Variants in ZNF407 observed in about 807,000 individuals in gnomAD.
The protein encoded by ZNF407 is zinc finger protein 407.
Under a neutral mutation model 131.2 loss-of-function variants are expected in ZNF407, and 17 were observed. The ratio of observed to expected loss-of-function variants is 0.13; its 90% confidence interval spans 0.09 to 0.19. ZNF407 has a LOEUF of 0.19. ZNF407 is among the 10% of genes least tolerant of loss of function. The probability of loss-of-function intolerance (pLI) is 1.00; values close to 1 mark genes in which losing one functional copy is unlikely to be tolerated. For synonymous variants in ZNF407, 1,156 were observed against 1,062.0 expected (o/e 1.09, Z -1.72); for missense variants, 2,681 against 2,830.6 (o/e 0.95, Z 1.20).
chr18:74,889,668 G>A (rs1407563285), intron 6 of ZNF407, among the ~76,000 whole-genome samples: 2 of 151,978 alleles, frequency 1.3e-5, no homozygotes, highest in Non-Finnish European at 2.9e-5. Flanking sequence ...TCCTGTTTAT[G>A]TAAAATAAAC....
chr18:74,790,627 A>T lies in ZNF407; in HGVS notation c.4877+9125A>T, dbSNP rs17055590. Among the ~76,000 whole-genome samples, 502 of 152,306 alleles carry T rather than the reference A, an allele frequency of 3.3e-3. 2 individuals carry two copies. Among genetic ancestry groups the T allele is most frequent in the African/African-American group, 0.011 (462 of 41,570 alleles). ...TGACTAAAATATGCCTTAAGCTCTT[A>T]TCTTTAACTCCCAGTCATTGCCAGA... On this transcript the variant is annotated intron_variant, in intron 4 of 8. Coordinates refer to ENST00000299687, the MANE Select transcript of ZNF407 (RefSeq NM_017757.3).
At chr18:74,714,011 A>T (rs1967832713) in intron 3 of ZNF407, among the ~76,000 whole-genome samples, 1 of 152,218 alleles carries the variant, frequency 6.6e-6, no homozygotes, top group Non-Finnish European at 1.5e-5. Flanking sequence ...TTATGCCTAA[A>T]TGTATTAAGC....
At chr18:74,639,496 G>A (rs1984611701) in intron 2 of ZNF407, among the ~76,000 whole-genome samples, 1 of 152,106 alleles carries the variant, frequency 6.6e-6, no homozygotes, top group African/African-American at 2.4e-5. Context: ...GATAGGCTTG[G>A]TTTTATCAGA....
chr18:74,969,046 T>C (rs1042703806), intron 8 of ZNF407, among the ~76,000 whole-genome samples: 1 of 152,220 alleles, frequency 6.6e-6, no homozygotes, highest in Non-Finnish European at 1.5e-5. Context: ...GCCACTCCAT[T>C]GTGGAGCCCA....
chr18:74,647,854 C>A (rs963387829), intron 3 of ZNF407, among the ~76,000 whole-genome samples: 1 of 152,108 alleles, frequency 6.6e-6, no homozygotes, highest in Non-Finnish European at 1.5e-5. Context: ...GGAGGACGAG[C>A]TCTGCTGAGG....
At chr18:74,674,298 G>A (rs756591278) in intron 3 of ZNF407, among the ~76,000 whole-genome samples, 1 of 152,152 alleles carries the variant, frequency 6.6e-6, no homozygotes, top group Non-Finnish European at 1.5e-5. Context: ...AGAGATCCAG[G>A]ACTTTATAGC....
intron 8 of ZNF407, among the ~76,000 whole-genome samples, chr18:74,971,896 T>C (rs1176680261): frequency 6.6e-6 from 1 of 152,214 alleles, no homozygotes; most frequent in Non-Finnish European, 1.5e-5. Context: ...TAATCGGACT[T>C]GCAGTTCCAC....
At chr18:74,865,526 A>C (rs1475972410) in intron 4 of ZNF407, among the ~76,000 whole-genome samples, 2 of 152,200 alleles carry the variant, frequency 1.3e-5, no homozygotes, top group Non-Finnish European at 2.9e-5. Context: ...AGTTTTGATT[A>C]TGCACTTAAT....
chr18:75,022,318 G>T (rs1302329355), intron 8 of ZNF407, among the ~76,000 whole-genome samples: 1 of 152,082 alleles, frequency 6.6e-6, no homozygotes, highest in Non-Finnish European at 1.5e-5. Context: ...GAAAGTGAGA[G>T]AACTATTTTC....
At chr18:74,733,743 GC>G (rs1455989694) in intron 3 of ZNF407, among the ~76,000 whole-genome samples, 1 of 152,154 alleles carries the variant, frequency 6.6e-6, no homozygotes, top group African/African-American at 2.4e-5. Context: ...GTGCTGCTTT[GC>G]TGCAGGTCAG....
chr18:74,935,794 G>A (rs1972032931), intron 8 of ZNF407, among the ~76,000 whole-genome samples: 3 of 152,170 alleles, frequency 2.0e-5, no homozygotes, highest in African/African-American at 7.2e-5. Flanking sequence ...GTTGAATTGT[G>A]CGGCACATAC....
At chr18:74,849,062 T>TA (rs1233484989) in intron 4 of ZNF407, among the ~76,000 whole-genome samples, 11 of 145,754 alleles carry the variant, frequency 7.5e-5, no homozygotes, top group African/African-American at 2.5e-4. Context: ...CTTTTTTTTT[T>TA]TTTTATTTTT....
At chr18:74,964,807 C>T in intron 8 of ZNF407, among the ~76,000 whole-genome samples, 1 of 152,096 alleles carries the variant, frequency 6.6e-6, no homozygotes, top group Non-Finnish European at 1.5e-5. Flanking sequence ...CAAAGTGTTG[C>T]ACAGAACAGA....
chr18:74,604,362 AT>A, intron 1 of ZNF407, among the ~76,000 whole-genome samples: 1 of 109,190 alleles, frequency 9.2e-6, no homozygotes, highest in East Asian at 4.0e-4. Context: ...CTTGTCTGCT[AT>A]GTCCACCAGG....
At chr18:74,881,320 A>G (rs773119893) in intron 6 of ZNF407, among the ~76,000 whole-genome samples, 17 of 152,354 alleles carry the variant, frequency 1.1e-4, no homozygotes, top group Admixed American at 2.6e-4. Context: ...GACATATTCC[A>G]TATTTCAAGA....
chr18:74,765,876 T>C (rs539941521), intron 3 of ZNF407, among the ~76,000 whole-genome samples: 8 of 152,294 alleles, frequency 5.3e-5, no homozygotes, highest in Non-Finnish European at 8.8e-5. Context: ...AAGTTGTTAT[T>C]TCATACATTT....
At chr18:74,939,624 C>T (rs1219852948) in intron 8 of ZNF407, among the ~76,000 whole-genome samples, 1 of 152,132 alleles carries the variant, frequency 6.6e-6, no homozygotes, top group Non-Finnish European at 1.5e-5. Context: ...TATCAATCGA[C>T]AGAAATCTAA....
In ZNF407 at chr18:75,018,912, A is replaced by G. The variant is rs113307330; in HGVS notation, c.5429-44238A>G. Among the ~76,000 whole-genome samples the G allele has an allele frequency of 4.5e-3, 683 of 152,150 alleles. 7 individuals are homozygous for G. The highest frequency in any genetic ancestry group is 0.015 in the African/African-American group (630 of 41,516). On this transcript the variant is annotated intron_variant, in intron 8 of 8. Transcript: ENST00000299687. ...GCACACATATTAATAATGTATATTAACTCTTTAACTGCTCTCCATTATTTT... is the reference window on the plus strand; with the variant it reads ...GCACACATATTAATAATGTATATTAGCTCTTTAACTGCTCTCCATTATTTT...
At position 74,634,361 on chromosome 18, in the gene ZNF407, A is replaced by G. The variant is rs1240979707; in HGVS notation, c.3342A>G (p.Gln1114=). The change falls in exon 2 of 9, where the codon CAA becomes CAG. Residue 1114 remains glutamine (Q), a synonymous_variant. Transcript: ENST00000299687. ...NSEEFQIISG[Q]PSDTLKSRNA... ...AGGAATTTCAAATAATTTCAGGTCA[A>G]CCATCTGATACTCTTAAATCTAGAA... 1 of 1,613,910 alleles carries G rather than the reference A, an allele frequency of 6.2e-7. No individual in the cohort carries two copies.
Sources: allele counts gnomAD v4.1 joint callset (sites outside exome capture counted in the v4.1 genomes callset), GRCh38; gene constraint gnomAD v4.1.1; transcripts MANE v1.5; gene names NCBI Gene and HGNC (gene_info 2026-07-23, HGNC 2026-07-21).